The following COL22A1 variants were observed in gnomAD, a reference collection of about 807,000 sequenced individuals.
COL22A1 encodes collagen type XXII alpha 1 chain.
COL22A1 carries 221 observed loss-of-function variants against 248.9 expected under a neutral mutation model. The ratio of observed to expected loss-of-function variants is 0.89; its 90% CI spans 0.80 to 0.99. COL22A1 has a LOEUF of 0.99. COL22A1 is among the 50% of genes least tolerant of loss of function. The pLI is 0.00. For synonymous variants in COL22A1, 891 were observed against 793.4 expected, an observed-to-expected ratio of 1.12 and a Z score of -2.07; for missense variants, 2,240 against 2,179.0, an observed-to-expected ratio of 1.03 and a Z score of -0.56.
At chr8:138,664,053 G>A (rs775065838) in intron 41 of COL22A1, among the ~76,000 whole-genome samples, 27 of 151,506 alleles carry the variant, frequency 1.8e-4, no homozygotes, top group Non-Finnish European at 3.7e-4. Context: ...TGGCAGCCCC[G>A]ACTTCCCTGT....
In COL22A1 at chr8:138,760,305, A is replaced by C; in HGVS notation, c.1858-18T>G. The C allele has an allele frequency of 6.3e-7, 1 of 1,596,982 alleles. No individual in the cohort carries two copies. The highest frequency in any genetic ancestry group is 8.5e-7 in the Non-Finnish European group (1 of 1,171,936). On this transcript the variant is annotated intron_variant, in intron 17 of 64. Coordinates refer to ENST00000303045, the MANE Select transcript of COL22A1 (RefSeq NM_152888.3). ...GGCCTGCCCTGGAGGAAAGAAAGAA[A>C]AGGCAGATTATGATGGGCACTACGG...
At chr8:138,612,877 A>G (rs1448886760) in intron 56 of COL22A1, among the ~76,000 whole-genome samples, 1 of 144,532 alleles carries the variant, frequency 6.9e-6, no homozygotes, top group Non-Finnish European at 1.5e-5. Context: ...CAGAGGTTGC[A>G]ATGAGCCAAG....
rs533468248 is a variant in COL22A1 at position 138,870,922 on chromosome 8, G to A, written c.658+6828C>T. On this transcript the variant is annotated intron_variant, in intron 3 of 64. Coordinates refer to ENST00000303045, the MANE Select transcript of COL22A1 (RefSeq NM_152888.3). Reference sequence around the variant, plus strand: ...GGTGTGTGATGTGCCTGGTACGCACGGTGTTTGTGTGTGTGGGTGTGTGTA... The same window carrying A: ...GGTGTGTGATGTGCCTGGTACGCACAGTGTTTGTGTGTGTGGGTGTGTGTA... Among the ~76,000 whole-genome samples the A allele has an allele frequency of 1.1e-3, 164 of 151,818 alleles. 1 individual carries two copies. Among genetic ancestry groups the A allele is most frequent in the South Asian group, 4.0e-3 (19 of 4,798 alleles).
chr8:138,642,278 A>G (rs1273175103), intron 47 of COL22A1, among the ~76,000 whole-genome samples: 1 of 152,212 alleles, frequency 6.6e-6, no homozygotes, highest in Non-Finnish European at 1.5e-5. Flanking sequence ...TGTGGCATTT[A>G]ATCTTGTTAA....
At chr8:138,740,092 C>A (rs1384838887) in intron 22 of COL22A1, among the ~76,000 whole-genome samples, 1 of 152,138 alleles carries the variant, frequency 6.6e-6, no homozygotes, top group Non-Finnish European at 1.5e-5. Context: ...GAAAGGAAAC[C>A]AGACACCTTC....
At chr8:138,776,780 G>C (rs1424012443) in intron 15 of COL22A1, among the ~76,000 whole-genome samples, 2 of 152,186 alleles carry the variant, frequency 1.3e-5, no homozygotes, top group Non-Finnish European at 2.9e-5. Context: ...CCAGAGTCTA[G>C]AACAGAGCCT....
intron 47 of COL22A1, among the ~76,000 whole-genome samples, chr8:138,644,431 G>T (rs1822017906): frequency 6.6e-6 from 1 of 152,032 alleles, no homozygotes; most frequent in African/African-American, 2.4e-5. Context: ...TGTCAAATGA[G>T]CACTTACAAC....
intron 32 of COL22A1, 49 bp from the exon 33 acceptor site, chr8:138,694,928 CT>C (rs1564206265): frequency 6.3e-7 from 1 of 1,582,516 alleles, no homozygotes; most frequent in Non-Finnish European, 8.7e-7. Flanking sequence ...AGAACTGCCC[CT>C]CGTCACAGGG....
chr8:138,674,350 TC>T (rs1587832196), intron 41 of COL22A1, among the ~76,000 whole-genome samples: 1 of 152,018 alleles, frequency 6.6e-6, no homozygotes. Flanking sequence ...GACCCCTTCT[TC>T]ACCTCCTCCA....
At chr8:138,890,890 G>A (rs1159684021) in intron 1 of COL22A1, among the ~76,000 whole-genome samples, 1 of 151,862 alleles carries the variant, frequency 6.6e-6, no homozygotes, top group Non-Finnish European at 1.5e-5. Flanking sequence ...GGGCATGGCA[G>A]CATGAGCCTG....
chr8:138,693,491 C>T (rs1400409993), intron 35 of COL22A1, among the ~76,000 whole-genome samples, 155 bp downstream of exon 35: 2 of 152,210 alleles, frequency 1.3e-5, no homozygotes, highest in African/African-American at 4.8e-5. Flanking sequence ...AACCTCTCTC[C>T]GTGCTGACTC....
chr8:138,751,679 A>G (rs1262879608), intron 21 of COL22A1, among the ~76,000 whole-genome samples, 168 bp from the exon 22 acceptor site: 1 of 152,240 alleles, frequency 6.6e-6, no homozygotes, highest in African/African-American at 2.4e-5. Context: ...AACACTTTAA[A>G]ACATGTACAT....
intron 43 of COL22A1, 38 bp downstream of exon 43, chr8:138,661,992 G>A (rs1824008529): frequency 6.4e-7 from 1 of 1,554,662 alleles, no homozygotes; most frequent in Non-Finnish European, 8.8e-7. Flanking sequence ...GGTCATGTAA[G>A]GGCCTTCACT....
chr8:138,828,763 A>T (rs1819795813), intron 5 of COL22A1, among the ~76,000 whole-genome samples: 1 of 151,672 alleles, frequency 6.6e-6, no homozygotes, highest in Non-Finnish European at 1.5e-5. Flanking sequence ...AAAAAAAAAA[A>T]GGTATTTTGA....
intron 36 of COL22A1, 135 bp from the exon 37 acceptor site, chr8:138,689,105 T>C (rs1378723944): frequency 2.0e-5 from 14 of 698,456 alleles, no homozygotes; most frequent in Non-Finnish European, 3.0e-5. Flanking sequence ...TCCCATACTT[T>C]ATTTAAATTC....
At chr8:138,628,760 C>CTTTTTTTTTTTTTTTTTTTTTTTTTTTTT (rs56318714) in intron 50 of COL22A1, among the ~76,000 whole-genome samples, 1 of 124,294 alleles carries the variant, frequency 8.0e-6, no homozygotes. Flanking sequence ...AGATCCACAT[C>CTTTTTTTTTTTTTTTTTTTTTTTTTTTTT]TTTTTTTTTT....
At chr8:138,811,362 T>C (rs10088256) in intron 9 of COL22A1, among the ~76,000 whole-genome samples, 4 of 47,404 alleles carry the variant, frequency 8.4e-5, no homozygotes, top group Non-Finnish European at 2.5e-4. Context: ...TACACACATA[T>C]ATATATATAC....
In COL22A1 at chr8:138,669,885, C is replaced by CTTTT. The variant is rs34714342; in HGVS notation, c.3151-6149_3151-6146dup. On this transcript the variant is annotated intron_variant, in intron 41 of 64. Transcript: ENST00000303045. The stretch of plus-strand genomic sequence containing the variant: ...CCATCAACAGAAGAAACTCCTAAGA[C>CTTTT]TTTTTTTTTTTTTTTTTTTGAGATG... 8.2e-4 allele frequency among the ~76,000 whole-genome samples: 99 copies of CTTTT among 121,220 alleles called. 4 individuals are homozygous for CTTTT. The highest frequency in any genetic ancestry group is 2.8e-3 in the South Asian group (10 of 3,618). 79.5% of individuals were successfully genotyped at this position (121,220 alleles called of 152,430 possible).
At chr8:138,750,262 T>C (rs1832480865) in intron 22 of COL22A1, among the ~76,000 whole-genome samples, 1 of 152,180 alleles carries the variant, frequency 6.6e-6, no homozygotes, top group African/African-American at 2.4e-5. Flanking sequence ...ACTAATACAA[T>C]CTCTCTCACC....
Sources: gnomAD v4.1 joint callset for allele counts (sites outside exome capture counted in the v4.1 genomes callset) on GRCh38, gnomAD v4.1.1 for gene constraint, MANE v1.5 for transcripts, NCBI Gene and HGNC (gene_info 2026-07-23, HGNC 2026-07-21) for gene names.